CCDC148: variants seen among roughly 807,000 people sequenced by gnomAD.
CCDC148 encodes coiled-coil domain containing 148.
Under a neutral mutation model 85.7 loss-of-function variants are expected in CCDC148, and 89 were observed. That is an observed-to-expected ratio of 1.04 (90% CI 0.87 to 1.24). The LOEUF is 1.24. CCDC148 is among the 50% of genes most tolerant of loss of function. The pLI is 0.00. For missense variants in CCDC148, 692 were observed against 671.7 expected (o/e 1.03, Z -0.33); for synonymous variants, 230 against 213.9 (o/e 1.08, Z -0.66).
At chr2:158,239,868 ATAAT>A (rs1375915535) in intron 10 of CCDC148, among the ~76,000 whole-genome samples, 1 of 151,086 alleles carries the variant, frequency 6.6e-6, no homozygotes, top group Non-Finnish European at 1.5e-5. Flanking sequence ...TATTATCCTG[ATAAT>A]TAATTTACCA....
In CCDC148 at chr2:158,338,906, A is replaced by T. The variant is rs1682528441; in HGVS notation, c.584T>A (p.Ile195Asn). 3.1e-6 allele frequency: 5 copies of T among 1,601,724 alleles called. No individual in the cohort carries two copies. In the Admixed American group the frequency reaches 5.3e-5, roughly 17 times the overall value. The stretch of plus-strand genomic sequence containing the variant: ...CTTTTCTTCCAAAGAATGATCTAGA[A>T]TCTGAAAAAAAGTATATGATTATTT... The part of the protein sequence containing the change: ...ENDLSDWSIK[I>N]LDHSLEEKTN... Residue 195 changes from isoleucine to asparagine, a missense_variant and splice_region_variant, in exon 7 of 14, where the codon ATT becomes AAT. Coordinates refer to ENST00000283233, the MANE Select transcript of CCDC148 (RefSeq NM_138803.4).
chr2:158,205,289 T>A (rs1283606588), intron 11 of CCDC148, among the ~76,000 whole-genome samples: 9 of 152,036 alleles, frequency 5.9e-5, no homozygotes, highest in Admixed American at 5.9e-4. Context: ...GGGCTTCTGA[T>A]TGGGCAGTGA....
At position 158,339,045 on chromosome 2, in the gene CCDC148, C is replaced by A. The variant is rs780530986; in HGVS notation, c.527G>T (p.Arg176Ile). The change falls in exon 6 of 14, where the codon AGA becomes ATA. Residue 176 changes from arginine (R) to isoleucine (I), a missense_variant. By Grantham distance (97) the Arg-to-Ile change is moderately conservative. Coordinates refer to ENST00000283233, the MANE Select transcript of CCDC148 (RefSeq NM_138803.4). ...VKKQLKTVFE[R>I]LRLEQQRIEN... Reference sequence around the variant, plus strand: ...TATTCTCTGTTGCTCCAGCCTAAGTCTTTCAAAGACAGTTTTCAATTGTTT... The same window carrying A: ...TATTCTCTGTTGCTCCAGCCTAAGTATTTCAAAGACAGTTTTCAATTGTTT... 1.9e-6 allele frequency: 3 copies of A among 1,613,770 alleles called. No individual in the cohort carries two copies.
chr2:158,224,189 C>T (rs998020557), intron 10 of CCDC148, among the ~76,000 whole-genome samples: 1 of 151,718 alleles, frequency 6.6e-6, no homozygotes, highest in African/African-American at 2.4e-5. Context: ...CCTCAGTAGC[C>T]GATCAACTGG....
chr2:158,275,926 T>C (rs1436485851), intron 9 of CCDC148, among the ~76,000 whole-genome samples: 2 of 151,950 alleles, frequency 1.3e-5, no homozygotes, highest in Non-Finnish European at 2.9e-5. Context: ...CTATTCACTT[T>C]AAAATCAAAG....
chr2:158,222,042 T>A (rs988781413), intron 10 of CCDC148, among the ~76,000 whole-genome samples: 1 of 152,178 alleles, frequency 6.6e-6, no homozygotes, highest in African/African-American at 2.4e-5. Context: ...TTATAAACCA[T>A]CTTTATTTTA....
intron 9 of CCDC148, among the ~76,000 whole-genome samples, chr2:158,283,848 T>TG (rs1207148767): frequency 1.3e-5 from 2 of 152,070 alleles, no homozygotes; most frequent in Admixed American, 6.5e-5. Flanking sequence ...GTGGCACTAT[T>TG]GACAATAGCA....
At chr2:158,275,068 G>T (rs938423426) in intron 9 of CCDC148, among the ~76,000 whole-genome samples, 4 of 152,236 alleles carry the variant, frequency 2.6e-5, no homozygotes, top group Non-Finnish European at 5.9e-5. Context: ...GGAAAAGGAG[G>T]AGGAGGAAGA....
chr2:158,350,749 T>G (rs1233008600), intron 2 of CCDC148, among the ~76,000 whole-genome samples: 1 of 152,202 alleles, frequency 6.6e-6, no homozygotes, highest in Non-Finnish European at 1.5e-5. Context: ...TTTTGTATTA[T>G]ATTTTTAATT....
chr2:158,222,096 T>C (rs1488275397), intron 10 of CCDC148, among the ~76,000 whole-genome samples: 2 of 152,222 alleles, frequency 1.3e-5, no homozygotes. Flanking sequence ...TCATATTTCT[T>C]TTATAATCAG....
At chr2:158,362,009 A>AC (rs1301591942) in intron 1 of CCDC148, among the ~76,000 whole-genome samples, 2 of 151,832 alleles carry the variant, frequency 1.3e-5, no homozygotes, top group Admixed American at 6.6e-5. Flanking sequence ...AAAAAAAAAA[A>AC]AAAACAGCAG....
At chr2:158,304,258 C>A (rs1352856227) in intron 9 of CCDC148, among the ~76,000 whole-genome samples, 1 of 152,040 alleles carries the variant, frequency 6.6e-6, no homozygotes, top group African/African-American at 2.4e-5. Context: ...AAGAGGAGGG[C>A]TAAAGAAAAG....
chr2:158,224,333 A>T (rs1037790309), intron 10 of CCDC148, among the ~76,000 whole-genome samples: 26 of 152,212 alleles, frequency 1.7e-4, no homozygotes, highest in African/African-American at 5.8e-4. Flanking sequence ...CCAAATCTAC[A>T]TCTGATTGGT....
At chr2:158,338,960 C>G (rs1682532229) in intron 6 of CCDC148, 30 bp downstream of exon 6, 1 of 1,600,060 alleles carries the variant, frequency 6.2e-7, no homozygotes, top group Non-Finnish European at 8.5e-7. Context: ...AATTGATAAA[C>G]ACATAAATTA....
At chr2:158,434,861 G>GC (rs1687561596) in intron 1 of CCDC148, among the ~76,000 whole-genome samples, 1 of 152,146 alleles carries the variant, frequency 6.6e-6, no homozygotes, top group African/African-American at 2.4e-5. Flanking sequence ...TTGATCAAGT[G>GC]CAAGAAAGGG....
chr2:158,278,659 G>A (rs1690090126), intron 9 of CCDC148, among the ~76,000 whole-genome samples: 1 of 152,276 alleles, frequency 6.6e-6, no homozygotes, highest in Non-Finnish European at 1.5e-5. Context: ...ACAGCTCAAG[G>A]AGGCCTGCCT....
intron 11 of CCDC148, among the ~76,000 whole-genome samples, chr2:158,187,100 C>T (rs745645890): frequency 1.3e-5 from 2 of 152,056 alleles, no homozygotes; most frequent in Non-Finnish European, 2.9e-5. Context: ...TCATGGCTAA[C>T]TCTCCCTCTT....
intron 1 of CCDC148, among the ~76,000 whole-genome samples, chr2:158,368,940 CT>C (rs1684314801): frequency 1.3e-5 from 2 of 151,824 alleles, no homozygotes; most frequent in Admixed American, 6.6e-5. Flanking sequence ...CTAAGAAAAT[CT>C]TTTTTTAATA....
At chr2:158,328,529 A>C (rs1226271631) in intron 7 of CCDC148, among the ~76,000 whole-genome samples, 3 of 152,154 alleles carry the variant, frequency 2.0e-5, no homozygotes, top group Non-Finnish European at 4.4e-5. Flanking sequence ...GTATATACCC[A>C]GTAATGGGAT....
Sources: gnomAD v4.1 joint callset for allele counts (sites outside exome capture counted in the v4.1 genomes callset) on GRCh38, gnomAD v4.1.1 for gene constraint, MANE v1.5 for transcripts, NCBI Gene and HGNC (gene_info 2026-07-23, HGNC 2026-07-21) for gene names.